Variants in WBP11 observed in about 807,000 individuals in gnomAD.
WBP11 encodes WW domain-binding protein 11.
A neutral mutation model predicts 66.7 loss-of-function variants in WBP11; 12 were observed. The ratio of observed to expected loss-of-function variants is 0.18; its 90% CI spans 0.12 to 0.29. The LOEUF (loss-of-function observed/expected upper bound fraction) is 0.29, where lower values mean the gene tolerates loss of function less well. Among genes scored for constraint, WBP11 ranks in the 10% least tolerant of loss-of-function variants. The probability of loss-of-function intolerance (pLI) is 1.00; values close to 1 mark genes in which losing one functional copy is unlikely to be tolerated. For synonymous variants in WBP11, 255 were observed against 273.8 expected, an observed-to-expected ratio of 0.93 and a Z score of 0.68; for missense variants, 555 against 818.3, an observed-to-expected ratio of 0.68 and a Z score of 3.93.
rs1949891639 is a variant in WBP11, at chr12:14,796,098, A to G, written c.387+709T>C. Among the ~76,000 whole-genome samples, 1 of 152,162 alleles carries G rather than the reference A, an allele frequency of 6.6e-6. No homozygotes were observed. Among genetic ancestry groups the G allele is most frequent in the Non-Finnish European group, 1.5e-5 (1 of 68,032 alleles). ...TTTCCTGCACAGATTATCTGTGACT[A>G]TTCTAGAATTTCATAAAAATGAAAT... On this transcript the variant is annotated intron_variant, in intron 5 of 11. Transcript: ENST00000261167. This position sits in a 1 kb window ranked among gnomAD's most constrained non-coding sequence, Gnocchi z 4.5.
chr12:14,798,010 C>CT (rs1200941037), intron 4 of WBP11, among the ~76,000 whole-genome samples: 3 of 152,044 alleles, frequency 2.0e-5, no homozygotes, highest in Admixed American at 6.5e-5. Context: ...CCAATGCATG[C>CT]TTTTTTCTGC....
chr12:14,792,602 G>C (rs948273637), intron 8 of WBP11, among the ~76,000 whole-genome samples: 17 of 152,084 alleles, frequency 1.1e-4, no homozygotes, highest in Non-Finnish European at 1.9e-4. Context: ...GGAGGCCGAG[G>C]GGGGCAGATC....
Position 14,801,326 on chromosome 12 carries a change from G to T in WBP11, c.58C>A (p.Gln20Lys). 6.2e-7 allele frequency: 1 copy of T among 1,612,750 alleles called. No homozygotes were observed. The highest frequency in any genetic ancestry group is 8.5e-7 in the Non-Finnish European group (1 of 1,179,374). Reference sequence around the variant, plus strand: ...CACACTAATGGACACTTACGGGCTTGGTCTGTGGGGTTCATAAATTTTCCA... The same window carrying T: ...CACACTAATGGACACTTACGGGCTTTGTCTGTGGGGTTCATAAATTTTCCA... ...KSGKFMNPTD[Q>K]ARKEARKREL... The change falls in exon 2 of 12, where the codon CAA (glutamine) becomes AAA (lysine). Residue 20 changes from glutamine (Q) to lysine (K), a missense_variant. Gln to Lys is a moderately conservative substitution (Grantham distance 53). Transcript: ENST00000261167.
rs553577939 is a variant in WBP11 at position 14,786,307 on chromosome 12, T to C, written c.*758A>G. On this transcript the variant is annotated 3_prime_UTR_variant, in exon 12 of 12. Coordinates refer to ENST00000261167, the MANE Select transcript of WBP11 (RefSeq NM_016312.3). ...GACAATCTTAAAAAAGGGAAATAAT[T>C]ACTCCTTTTTATCCCTTAAAATTTA... 6.6e-6 allele frequency: 1 copy of C among 152,314 alleles called. No individual in the cohort carries two copies. The highest frequency in any genetic ancestry group is 1.5e-5 in the Non-Finnish European group (1 of 68,004). 9.4% of individuals were successfully genotyped at this position (152,314 alleles called of 1,614,324 possible).
intron 5 of WBP11, among the ~76,000 whole-genome samples, chr12:14,795,945 ATCTT>A (rs1433920398): frequency 6.9e-6 from 1 of 145,588 alleles, no homozygotes; most frequent in Non-Finnish European, 1.5e-5. Context: ...ATTTTTTCCC[ATCTT>A]TATTTTGAGG....
At chr12:14,787,964 T>C (rs911586113) in intron 11 of WBP11, among the ~76,000 whole-genome samples, 19 of 152,148 alleles carry the variant, frequency 1.2e-4, no homozygotes, top group South Asian at 1.0e-3. Context: ...AGGCCGAGCA[T>C]GGTGGCTCAC....
intron 1 of WBP11, 70 bp from the exon 2 acceptor site, chr12:14,801,498 C>A: frequency 2.0e-6 from 2 of 992,240 alleles, no homozygotes; most frequent in Non-Finnish European, 3.0e-6. Flanking sequence ...TAGTCCCTAC[C>A]AATCTCTGAA....
intron 7 of WBP11, among the ~76,000 whole-genome samples, chr12:14,794,173 C>A (rs1159210307): frequency 6.6e-6 from 1 of 152,004 alleles, no homozygotes; most frequent in East Asian, 1.9e-4. Context: ...TTTGAAAACC[C>A]ATTTCCTCCT....
chr12:14,787,484 G>A lies in WBP11; in HGVS notation c.1507C>T (p.Arg503Cys), dbSNP rs1592214298. Residue 503 changes from arginine (R) to cysteine (C), a missense_variant, in exon 12 of 12, where the codon CGT becomes TGT. Around this residue, in one of 6 missense-constraint regions of WBP11, gnomAD observed 230 missense variants for 286.3 expected, o/e 0.80. Transcript: ENST00000261167. ...PPAPPGIPPP[R>C]PGMMRPPLVP... ...AAAGGTGGGCGCATCATGCCAGGAC[G>A]AGGTGGAGGAATACCTAAATGAATA... 6.6e-7 allele frequency: 1 copy of A among 1,506,784 alleles called. No individual in the cohort carries two copies. The highest frequency in any genetic ancestry group is 1.4e-5 in the African/African-American group (1 of 71,646). The allele number at this position is 1,506,784 out of a possible 1,614,324, so 93.3% of individuals were successfully genotyped here. A position where few individuals can be genotyped will look rare whatever the true frequency, so the allele number is the denominator to read the frequency against.
At chr12:14,792,905 A>G (rs758237682) in intron 8 of WBP11, among the ~76,000 whole-genome samples, 15 of 151,986 alleles carry the variant, frequency 9.9e-5, no homozygotes, top group Non-Finnish European at 1.8e-4. Context: ...GAGACCACAC[A>G]GACCCAGAAA....
intron 1 of WBP11, chr12:14,801,882 C>A: frequency 6.4e-6 from 1 of 155,898 alleles, no homozygotes; most frequent in Admixed American, 6.3e-5. Flanking sequence ...ACATACCTCA[C>A]CTTTGCCTCT....
At chr12:14,803,289 G>C (rs1949994252) in intron 1 of WBP11, 63 bp downstream of exon 1, 1 of 396,430 alleles carries the variant, frequency 2.5e-6, no homozygotes, top group African/African-American at 2.1e-5. Flanking sequence ...CCAAGCCGCT[G>C]CGCGGGACGT....
intron 8 of WBP11, among the ~76,000 whole-genome samples, chr12:14,793,244 A>AT (rs1364129437): frequency 1.3e-5 from 2 of 152,154 alleles, no homozygotes; most frequent in East Asian, 3.9e-4. Flanking sequence ...TCCTATTTGA[A>AT]TTTTTTAATA....
At chr12:14,802,183 A>G (rs950492022) in intron 1 of WBP11, among the ~76,000 whole-genome samples, 2 of 152,190 alleles carry the variant, frequency 1.3e-5, no homozygotes, top group African/African-American at 4.8e-5. Flanking sequence ...TGAGGAAAAA[A>G]TATTTTGTAA....
intron 1 of WBP11, among the ~76,000 whole-genome samples, chr12:14,802,458 G>T (rs1949976783): frequency 6.6e-6 from 1 of 152,144 alleles, no homozygotes; most frequent in Non-Finnish European, 1.5e-5. Context: ...AGCTGTTCTG[G>T]TGGCAATTAC....
At chr12:14,791,414 C>T (rs1381748315) in intron 8 of WBP11, 144 bp from the exon 9 acceptor site, 14 of 543,022 alleles carry the variant, frequency 2.6e-5, no homozygotes, top group Non-Finnish European at 3.2e-5. Context: ...ACTAATGATA[C>T]GAACACCCAG....
Position 14,788,946 on chromosome 12 carries a change from A to G in WBP11, c.1492+5T>C, listed in dbSNP as rs1949788252. On this transcript the variant is annotated splice_donor_5th_base_variant and intron_variant, in intron 11 of 11. Coordinates refer to ENST00000261167, the MANE Select transcript of WBP11 (RefSeq NM_016312.3). ...AGTTTTTATTATAGAAATTGAAAGC[A>G]TCACCTGGAGGTGCAGGGGGAGGTA... is the stretch of plus-strand genomic sequence containing the variant. The G allele has an allele frequency of 7.0e-7, 1 of 1,422,552 alleles. No homozygotes were observed. The highest frequency in any genetic ancestry group is 9.2e-7 in the Non-Finnish European group (1 of 1,087,258). 88.1% of individuals were successfully genotyped at this position (1,422,552 alleles called of 1,614,324 possible). A position where few individuals can be genotyped will look rare whatever the true frequency, so the allele number is the denominator to read the frequency against.
intron 5 of WBP11, among the ~76,000 whole-genome samples, chr12:14,795,507 C>T (rs996375359): frequency 2.6e-5 from 4 of 152,026 alleles, no homozygotes; most frequent in Non-Finnish European, 4.4e-5. Flanking sequence ...TGACGCAGGT[C>T]GATCACAAGC....
chr12:14,788,908 A>T, intron 11 of WBP11, 43 bp downstream of exon 11: 1 of 1,095,620 alleles, frequency 9.1e-7, no homozygotes, highest in South Asian at 2.0e-5. Context: ...CAAATTAAAT[A>T]AACAGCAGGC....
Sources: allele counts gnomAD v4.1 joint callset (sites outside exome capture counted in the v4.1 genomes callset), GRCh38; gene constraint gnomAD v4.1.1; regional missense constraint gnomAD v4.1.1; non-coding constraint Gnocchi (gnomAD v3.1); transcripts MANE v1.5; gene names NCBI Gene and HGNC (gene_info 2026-07-23, HGNC 2026-07-21).